The following ELP4 variants were observed in gnomAD, a reference collection of about 807,000 sequenced individuals.
ELP4 encodes the protein elongator acetyltransferase complex subunit 4, also known as elongator complex protein 4.
Under a neutral mutation model 48.9 loss-of-function variants are expected in ELP4, and 51 were observed. That is an observed-to-expected ratio of 1.04 (90% CI 0.83 to 1.32). The LOEUF (loss-of-function observed/expected upper bound fraction) is 1.32. Among genes scored for constraint, ELP4 ranks in the 40% most tolerant of loss-of-function variants. ELP4 has a pLI of 0.00. For missense variants in ELP4, 519 were observed against 514.6 expected (o/e 1.01, Z -0.08); for synonymous variants, 210 against 189.2 (o/e 1.11, Z -0.90).
In ELP4 at chr11:31,789,903, T is replaced by G; in HGVS notation, c.*6379T>G. 6.5e-7 allele frequency: 1 copy of G among 1,535,438 alleles called. No homozygotes were observed. Among genetic ancestry groups the G allele is most frequent in the East Asian group, 2.3e-5 (1 of 42,970 alleles). On this transcript the variant is annotated 3_prime_UTR_variant, in exon 10 of 10. Transcript: ENST00000640961. ...AGTCACTGACTGAATTAACACAATA[T>G]TTCCTTTCCTTTTTTTTTTTTTTTT...
intron 3 of ELP4, among the ~76,000 whole-genome samples, chr11:31,548,642 GT>G (rs1206035691): frequency 6.6e-6 from 1 of 152,076 alleles, no homozygotes; most frequent in Non-Finnish European, 1.5e-5. Flanking sequence ...CTACTTTAAA[GT>G]TCATATGGAA....
chr11:31,700,667 A>G (rs1212284171), intron 9 of ELP4, among the ~76,000 whole-genome samples: 2 of 152,102 alleles, frequency 1.3e-5, no homozygotes, highest in Non-Finnish European at 2.9e-5. Context: ...TACTTACTCA[A>G]GATAGGGACA....
intron 9 of ELP4, among the ~76,000 whole-genome samples, chr11:31,696,376 C>T (rs1161920838): frequency 6.6e-6 from 1 of 152,112 alleles, no homozygotes; most frequent in Non-Finnish European, 1.5e-5. Flanking sequence ...TGTCTTTGTT[C>T]TCATTGGTTT....
intron 9 of ELP4, among the ~76,000 whole-genome samples, chr11:31,750,253 C>A (rs1194238083): frequency 6.6e-6 from 1 of 152,060 alleles, no homozygotes; most frequent in Non-Finnish European, 1.5e-5. Flanking sequence ...CAGAATATCA[C>A]CCCAAGGAAG....
intron 9 of ELP4, chr11:31,719,769 A>T (rs1334813360): frequency 3.5e-6 from 1 of 289,078 alleles, no homozygotes; most frequent in Admixed American, 5.1e-5. Context: ...GGTTAGGGGT[A>T]AAATATACTG....
At chr11:31,728,183 A>G (rs1361227171) in intron 9 of ELP4, among the ~76,000 whole-genome samples, 7 of 152,190 alleles carry the variant, frequency 4.6e-5, no homozygotes, top group Non-Finnish European at 1.0e-4. Flanking sequence ...TACGTAATCT[A>G]TTGAAGGGTT....
rs140359240 is a variant in ELP4 at position 31,658,146 on chromosome 11, A to G, written c.1143+7925A>G. Reference sequence around the variant, plus strand: ...TAAGCTGTACTGCTATCTCGTCTTCATTACATAAGCCAGAAAGCCTGTGTC... The same window carrying G: ...TAAGCTGTACTGCTATCTCGTCTTCGTTACATAAGCCAGAAAGCCTGTGTC... On this transcript the variant is annotated intron_variant, in intron 9 of 9. Transcript: ENST00000640961. Among the ~76,000 whole-genome samples, 10 of 152,132 alleles carry G rather than the reference A, an allele frequency of 6.6e-5. No individual in the cohort carries two copies. In the East Asian group the frequency reaches 1.2e-3, roughly 18 times the overall value.
At position 31,738,187 on chromosome 11, in the gene ELP4, G is replaced by A. The variant is rs568661220; in HGVS notation, c.1144-45206G>A. ...AAGACAGGAAGATTGCTTGAGCCAG[G>A]AGTTCGAGATCATTCTGGGCAACAT... On this transcript the variant is annotated intron_variant, in intron 9 of 9. Coordinates refer to ENST00000640961, the MANE Select transcript of ELP4 (RefSeq NM_019040.5). 2.1e-5 allele frequency among the ~76,000 whole-genome samples: 3 copies of A among 144,522 alleles called. No homozygotes were observed. In the South Asian group the frequency reaches 6.5e-4, roughly 31 times the overall value. The allele number at this position is 144,522 out of a possible 152,430, so 94.8% of individuals were successfully genotyped here.
At chr11:31,591,425 G>GAAAA (rs1592142786) in intron 3 of ELP4, among the ~76,000 whole-genome samples, 1 of 11,018 alleles carries the variant, frequency 9.1e-5, no homozygotes, top group Non-Finnish European at 1.6e-4. Flanking sequence ...AAAAAAAAGG[G>GAAAA]GGGGGGGGGG....
chr11:31,619,106 G>A (rs1231950144), intron 5 of ELP4, among the ~76,000 whole-genome samples: 1 of 151,984 alleles, frequency 6.6e-6, no homozygotes, highest in African/African-American at 2.4e-5. Context: ...GCTGGTAAAT[G>A]AGATGGGACA....
chr11:31,670,935 A>C (rs1945793876), intron 9 of ELP4, among the ~76,000 whole-genome samples: 1 of 151,976 alleles, frequency 6.6e-6, no homozygotes, highest in Admixed American at 6.6e-5. Flanking sequence ...GCCTTAATCT[A>C]TATGTAATAT....
chr11:31,539,844 A>G (rs965274189), intron 3 of ELP4, 61 bp downstream of exon 3: 17 of 1,418,574 alleles, frequency 1.2e-5, no homozygotes, highest in African/African-American at 5.7e-5. Flanking sequence ...TATTGTTTAT[A>G]TATGTAAACA....
At chr11:31,608,074 TAG>T (rs1957906793) in intron 5 of ELP4, among the ~76,000 whole-genome samples, 2 of 151,234 alleles carry the variant, frequency 1.3e-5, no homozygotes, top group Admixed American at 6.6e-5. Flanking sequence ...TACAAATCTG[TAG>T]AGAGTGCCTG....
chr11:31,747,176 A>G (rs1947614274), intron 9 of ELP4, among the ~76,000 whole-genome samples: 1 of 152,168 alleles, frequency 6.6e-6, no homozygotes, highest in South Asian at 2.1e-4. Flanking sequence ...AGGGGAAGAC[A>G]TGGAAAGAGA....
chr11:31,584,741 T>C (rs1592138118), intron 3 of ELP4, among the ~76,000 whole-genome samples: 1 of 152,148 alleles, frequency 6.6e-6, no homozygotes. Flanking sequence ...GGCAGGCTGG[T>C]CTCAAACTCC....
intron 9 of ELP4, among the ~76,000 whole-genome samples, chr11:31,728,124 A>T (rs1947113908): frequency 6.6e-6 from 1 of 152,204 alleles, no homozygotes; most frequent in African/African-American, 2.4e-5. Context: ...TATAGGTTTT[A>T]AAAGCTATTT....
chr11:31,731,766 C>G (rs747654850), intron 9 of ELP4, among the ~76,000 whole-genome samples: 1 of 152,030 alleles, frequency 6.6e-6, no homozygotes, highest in Admixed American at 6.6e-5. Flanking sequence ...ACATTATAAT[C>G]AAACTGTCAG....
chr11:31,561,341 A>T (rs1034637733), intron 3 of ELP4, among the ~76,000 whole-genome samples: 2 of 152,192 alleles, frequency 1.3e-5, no homozygotes, highest in Admixed American at 1.3e-4. Context: ...TATGGATAGA[A>T]ATATTAATAG....
chr11:31,538,666 A>G (rs892327292), intron 2 of ELP4, among the ~76,000 whole-genome samples: 1 of 151,412 alleles, frequency 6.6e-6, no homozygotes, highest in African/African-American at 2.4e-5. Flanking sequence ...AGTATTTAAA[A>G]CCAAATTATA....
Sources: allele counts gnomAD v4.1 joint callset (sites outside exome capture counted in the v4.1 genomes callset), GRCh38; gene constraint gnomAD v4.1.1; transcripts MANE v1.5; gene names NCBI Gene and HGNC (gene_info 2026-07-23, HGNC 2026-07-21).